COL21A1: variants seen among roughly 807,000 people sequenced by gnomAD.
COL21A1 encodes collagen type XXI alpha 1 chain, also known as collagen alpha-1(XXI) chain.
In COL21A1, 149 loss-of-function variants were observed where a neutral mutation model predicts 137.9. The ratio of observed to expected loss-of-function variants is 1.08; its 90% CI spans 0.95 to 1.24. The LOEUF is 1.24. Among genes scored for constraint, COL21A1 ranks in the 50% most tolerant of loss-of-function variants. The pLI is 0.00. For missense variants in COL21A1, 1,167 were observed against 1,158.4 expected (o/e 1.01, Z -0.11); for synonymous variants, 456 against 391.5 (o/e 1.16, Z -1.95).
At chr6:56,205,610 A>G (rs1311721118) in intron 1 of COL21A1, among the ~76,000 whole-genome samples, 1 of 152,234 alleles carries the variant, frequency 6.6e-6, no homozygotes, top group African/African-American at 2.4e-5. Context: ...ATAGGCCAAC[A>G]TTCAAATTCA....
chr6:56,351,639 A>G (rs892729900), intron 1 of COL21A1, among the ~76,000 whole-genome samples: 1 of 152,230 alleles, frequency 6.6e-6, no homozygotes, highest in Non-Finnish European at 1.5e-5. Context: ...AAAGGCCTCA[A>G]GAACTGAACT....
At chr6:56,272,570 G>C (rs1357477988) in intron 1 of COL21A1, among the ~76,000 whole-genome samples, 2 of 152,152 alleles carry the variant, frequency 1.3e-5, no homozygotes, top group East Asian at 3.9e-4. Flanking sequence ...CATGAGACTT[G>C]GGAGGGGCCA....
At chr6:56,303,957 G>A (rs1326128904) in intron 1 of COL21A1, among the ~76,000 whole-genome samples, 2 of 152,254 alleles carry the variant, frequency 1.3e-5, no homozygotes, top group South Asian at 4.1e-4. Flanking sequence ...GTTGAGTTTT[G>A]TCAAAGGCCT....
At chr6:56,259,996 A>G (rs1408239780) in intron 1 of COL21A1, among the ~76,000 whole-genome samples, 1 of 152,204 alleles carries the variant, frequency 6.6e-6, no homozygotes, top group East Asian at 1.9e-4. Flanking sequence ...AGCATGGCAT[A>G]CTTTCTCACA....
At chr6:56,157,564 G>A (rs1250952350) in intron 9 of COL21A1, among the ~76,000 whole-genome samples, 1 of 152,088 alleles carries the variant, frequency 6.6e-6, no homozygotes, top group East Asian at 1.9e-4. Flanking sequence ...GTCTGCCTCA[G>A]CCTTCCAAAC....
intron 16 of COL21A1, among the ~76,000 whole-genome samples, chr6:56,107,611 C>T (rs1252391902): frequency 6.7e-6 from 1 of 148,322 alleles, no homozygotes; most frequent in Non-Finnish European, 1.5e-5. Flanking sequence ...CACATGTTGG[C>T]AGTGTAAGCA....
intron 1 of COL21A1, among the ~76,000 whole-genome samples, chr6:56,184,192 C>A (rs1233134961): frequency 6.6e-6 from 1 of 152,032 alleles, no homozygotes; most frequent in African/African-American, 2.4e-5. Flanking sequence ...CTTCAGCAAA[C>A]CCCAAGCGAG....
At chr6:56,252,250 CT>C (rs574137773), upstream of COL21A1, among the ~76,000 whole-genome samples, 72 of 152,330 alleles carry the variant, frequency 4.7e-4, no homozygotes, top group African/African-American at 1.7e-3. Context: ...GCTTAACAAG[CT>C]TTTCCCTTAT....
At chr6:56,258,525 G>T (rs1763171294) in intron 1 of COL21A1, among the ~76,000 whole-genome samples, 1 of 151,998 alleles carries the variant, frequency 6.6e-6, no homozygotes. Context: ...CTCGGAGTAA[G>T]GTCACAGCCT....
In COL21A1 at chr6:56,068,894, G is replaced by T. The variant is rs568192512; in HGVS notation, c.2091+152C>A. On this transcript the variant is annotated intron_variant, in intron 22 of 29. Coordinates refer to ENST00000244728, the MANE Select transcript of COL21A1 (RefSeq NM_030820.4). ...AAAGATGCCACAGCTATTAGCATGG[G>T]GCTGAACATATTATACATACATCGA... 47 of 603,448 alleles carry T rather than the reference G, an allele frequency of 7.8e-5. 1 individual carries two copies. In the South Asian group the frequency reaches 8.5e-4, roughly 11 times the overall value. The allele number at this position is 603,448 out of a possible 1,614,324, so 37.4% of individuals were successfully genotyped here.
chr6:56,180,108 T>C lies in COL21A1; in HGVS notation c.110A>G (p.Asp37Gly). ...AGAGCCATCTAAGATGAAAACTAAA[T>C]CTGTCGGAGCAGTACGACAACCTAA... is the stretch of plus-strand genomic sequence containing the variant. ...VRSSCRTAPT[D>G]LVFILDGSYS... The change falls in exon 3 of 30, where the codon GAT becomes GGT. Residue 37 changes from aspartate (D) to glycine (G), a missense_variant. By Grantham distance (94) the Asp-to-Gly change is moderately conservative. Coordinates refer to ENST00000244728, the MANE Select transcript of COL21A1 (RefSeq NM_030820.4). 6.2e-7 allele frequency: 1 copy of C among 1,612,706 alleles called. No individual in the cohort carries two copies. The highest frequency in any genetic ancestry group is 1.7e-4 in the Middle Eastern group (1 of 6,052).
intron 12 of COL21A1, among the ~76,000 whole-genome samples, chr6:56,134,093 G>A (rs189409813): frequency 2.0e-4 from 30 of 152,290 alleles, no homozygotes; most frequent in Non-Finnish European, 3.7e-4. Flanking sequence ...TATATCTACC[G>A]ATAGCTTGCA....
intron 9 of COL21A1, among the ~76,000 whole-genome samples, chr6:56,160,174 G>C (rs145166597): frequency 6.6e-6 from 1 of 152,180 alleles, no homozygotes; most frequent in African/African-American, 2.4e-5. Flanking sequence ...TAGCTGACTG[G>C]AGAGAAAGCC....
chr6:56,137,195 G>T (rs760970638), intron 12 of COL21A1, among the ~76,000 whole-genome samples: 1 of 152,124 alleles, frequency 6.6e-6, no homozygotes, highest in Non-Finnish European at 1.5e-5. Context: ...AATCTAAAAT[G>T]AGCACAGTAT....
intron 1 of COL21A1, among the ~76,000 whole-genome samples, chr6:56,294,466 T>G (rs1764119803): frequency 6.6e-6 from 1 of 152,126 alleles, no homozygotes; most frequent in Admixed American, 6.6e-5. Flanking sequence ...ATCAGAATAT[T>G]GAGAATTCCT....
In COL21A1 at chr6:56,098,632, T is replaced by C. The variant is rs1227133552; in HGVS notation, c.1812+2840A>G. On this transcript the variant is annotated intron_variant, in intron 17 of 29. Coordinates refer to ENST00000244728, the MANE Select transcript of COL21A1 (RefSeq NM_030820.4). ...ATATATATAAATATATATAAATATA[T>C]ATATAAATATATATAAATATATAAA... Among the ~76,000 whole-genome samples the C allele has an allele frequency of 4.5e-4, 20 of 44,814 alleles. 2 individuals carry two copies. In the South Asian group the frequency reaches 0.014, roughly 31 times the overall value. The allele number at this position is 44,814 out of a possible 152,430, so 29.4% of individuals were successfully genotyped here.
intron 1 of COL21A1, among the ~76,000 whole-genome samples, chr6:56,295,111 G>A (rs1764132838): frequency 6.6e-6 from 1 of 151,922 alleles, no homozygotes; most frequent in African/African-American, 2.4e-5. Context: ...TTTGTGAAGG[G>A]TGCAAGGTCT....
At chr6:56,247,792 C>G (rs1359376503), upstream of COL21A1, 1 of 152,774 alleles carries the variant, frequency 6.5e-6, no homozygotes, top group African/African-American at 2.4e-5. Context: ...ACCAGGGAAG[C>G]GCGAGGAGAG....
At chr6:56,228,495 G>A (rs991232103) in intron 1 of COL21A1, among the ~76,000 whole-genome samples, 4 of 151,562 alleles carry the variant, frequency 2.6e-5, no homozygotes, top group Non-Finnish European at 5.9e-5. Flanking sequence ...AAATTTTCCT[G>A]CTAGAGGGTA....
Sources: allele counts gnomAD v4.1 joint callset (sites outside exome capture counted in the v4.1 genomes callset), GRCh38; gene constraint gnomAD v4.1.1; transcripts MANE v1.5; gene names NCBI Gene and HGNC (gene_info 2026-07-23, HGNC 2026-07-21).